The following ENSA variants were observed in gnomAD, a reference collection of about 807,000 sequenced individuals.
ENSA encodes alpha-endosulfine.
ENSA carries 7 observed loss-of-function variants against 16.8 expected under a neutral mutation model. That is an observed-to-expected ratio of 0.42 (90% CI 0.24 to 0.78). The LOEUF (loss-of-function observed/expected upper bound fraction) is 0.78, where lower values mean the gene tolerates loss of function less well. Among genes scored for constraint, ENSA ranks in the 30% least tolerant of loss-of-function variants. The pLI, the probability that ENSA is intolerant of heterozygous loss-of-function variation, is 0.29. For missense variants in ENSA, 87 were observed against 142.3 expected, an observed-to-expected ratio of 0.61 and a Z score of 1.98; for synonymous variants, 58 against 53.4, an observed-to-expected ratio of 1.09 and a Z score of -0.37.
At chr1:150,628,785 C>T (rs1649529323) in intron 1 of ENSA, among the ~76,000 whole-genome samples, 1 of 152,170 alleles carries the variant, frequency 6.6e-6, no homozygotes, top group African/African-American at 2.4e-5. Flanking sequence ...GTCTTTCTCA[C>T]GACCCTGTCG....
intron 2 of ENSA, chr1:150,626,498 A>G (rs1021667883): frequency 4.3e-6 from 7 of 1,613,700 alleles, no homozygotes; most frequent in African/African-American, 2.7e-5. Flanking sequence ...CGCACAGAGA[A>G]GCACACTCCA....
intron 1 of ENSA, chr1:150,629,094 AC>A (rs765377679): frequency 6.2e-7 from 1 of 1,613,962 alleles, no homozygotes; most frequent in Non-Finnish European, 8.5e-7. Context: ...CACACCCAAG[AC>A]CACCAGCCAT....
At chr1:150,626,701 C>T (rs1261304377) in intron 2 of ENSA, among the ~76,000 whole-genome samples, 1 of 152,158 alleles carries the variant, frequency 6.6e-6, no homozygotes, top group Non-Finnish European at 1.5e-5. Context: ...GGACTACAGG[C>T]GCCCGCCACC....
At chr1:150,624,302 G>T in intron 3 of ENSA, 1 of 985,872 alleles carries the variant, frequency 1.0e-6, no homozygotes, top group South Asian at 4.7e-5. Flanking sequence ...CTTCCTCCAA[G>T]GTGAATCATC....
chr1:150,625,624 G>A lies in ENSA; in HGVS notation c.350+18C>T, dbSNP rs1649250738. 1.9e-6 allele frequency: 3 copies of A among 1,578,542 alleles called. No individual in the cohort carries two copies. The South Asian group carries it at 3.5e-5, about 18-fold the overall frequency. Reference sequence around the variant, plus strand: ...GTCCAGTGGTTGAGGAAGGGGAGGAGAGGGGGGCTCAGGTTACCCCGCAAG... The same window carrying A: ...GTCCAGTGGTTGAGGAAGGGGAGGAAAGGGGGGCTCAGGTTACCCCGCAAG... On this transcript the variant is annotated intron_variant, in intron 3 of 3. Coordinates refer to ENST00000369014, the MANE Select transcript of ENSA (RefSeq NM_004436.4).
At position 150,628,992 on chromosome 1, in the gene ENSA, G is replaced by C. The variant is rs587594676; in HGVS notation, c.57+422C>G. 4 of 1,520,452 alleles carry C rather than the reference G, an allele frequency of 2.6e-6. No individual in the cohort carries two copies. In the African/African-American group the frequency reaches 4.2e-5, roughly 16 times the overall value. The allele number at this position is 1,520,452 out of a possible 1,614,324, so 94.2% of individuals were successfully genotyped here. A position where few individuals can be genotyped will look rare whatever the true frequency, so the allele number is the denominator to read the frequency against. ...CCCCAATACTGGTTTTTTTTTAAAC[G>C]TCTTTACCTCGACCCCTATCTTTGC... On this transcript the variant is annotated intron_variant, in intron 1 of 3. Transcript: ENST00000369014.
intron 3 of ENSA, chr1:150,624,485 C>T (rs1649167919): frequency 1.2e-5 from 12 of 985,892 alleles, no homozygotes; most frequent in Non-Finnish European, 1.4e-5. Context: ...GCTCCGCTGC[C>T]AGAGAAGCTT....
At chr1:150,622,959 C>T in intron 3 of ENSA, 100 bp from the exon 4 acceptor site, 2 of 1,410,358 alleles carry the variant, frequency 1.4e-6, no homozygotes, top group Non-Finnish European at 1.9e-6. Context: ...CATGATTCCT[C>T]CACATTTAAC....
Position 150,627,178 on chromosome 1 carries a change from A to T in ENSA, c.183+289T>A. The T allele has an allele frequency of 2.0e-6, 3 of 1,481,264 alleles. No homozygotes were observed. In the East Asian group the frequency reaches 7.1e-5, roughly 35 times the overall value. 91.8% of individuals were successfully genotyped at this position (1,481,264 alleles called of 1,614,324 possible). ...AAACCTCCAACATTCAAACAGGCAA[A>T]TGCCTGGGGGCAGTCTGCATTTCAG... On this transcript the variant is annotated intron_variant, in intron 2 of 3. Transcript: ENST00000369014.
intron 1 of ENSA, among the ~76,000 whole-genome samples, chr1:150,627,871 T>C (rs1385976927): frequency 3.3e-5 from 5 of 152,144 alleles, no homozygotes; most frequent in Non-Finnish European, 7.3e-5. Flanking sequence ...AATACTTTAA[T>C]CACAGAGTGG....
At chr1:150,627,368 C>CA in intron 2 of ENSA, 99 bp downstream of exon 2, 4 of 1,611,588 alleles carry the variant, frequency 2.5e-6, no homozygotes, top group Non-Finnish European at 2.5e-6. Flanking sequence ...TGTTCAACAA[C>CA]AAAACCTCCA....
chr1:150,624,131 A>G, intron 3 of ENSA: 1 of 985,438 alleles, frequency 1.0e-6, no homozygotes. Flanking sequence ...AGCTGGTGGT[A>G]ACTAGATTGA....
rs775332541 is a variant in ENSA, at chr1:150,627,454, C to CTATG, written c.183+9_183+12dup. ...AGCTCCAAAGAAAGAGGGTAAGAGA[C>CTATG]TATGCCCCATACCCCTTTCTGGAGT... On this transcript the variant is annotated intron_variant, in intron 2 of 3. Coordinates refer to ENST00000369014, the MANE Select transcript of ENSA (RefSeq NM_004436.4). 3.7e-6 allele frequency: 6 copies of CTATG among 1,614,252 alleles called. No homozygotes were observed. The highest frequency in any genetic ancestry group is 5.1e-6 in the Non-Finnish European group (6 of 1,180,050).
chr1:150,629,299 G>C (rs587620271), intron 1 of ENSA, 115 bp downstream of exon 1: 3 of 1,531,806 alleles, frequency 2.0e-6, no homozygotes, highest in East Asian at 2.3e-5. Flanking sequence ...GACGCAAAAA[G>C]TGGCCAACCC....
intron 1 of ENSA, among the ~76,000 whole-genome samples, chr1:150,628,441 C>A (rs1176739635): frequency 2.7e-5 from 4 of 149,384 alleles, no homozygotes; most frequent in Non-Finnish European, 4.4e-5. Flanking sequence ...CAGTTTTCAT[C>A]AAAAAAATCA....
intron 3 of ENSA, chr1:150,623,273 A>C: frequency 9.9e-7 from 1 of 1,011,078 alleles, no homozygotes; most frequent in Non-Finnish European, 1.2e-6. Flanking sequence ...ACCAGACCAC[A>C]CACATGCTGT....
At chr1:150,625,416 G>T in intron 3 of ENSA, 1 of 1,229,210 alleles carries the variant, frequency 8.1e-7, no homozygotes, top group Non-Finnish European at 1.0e-6. Flanking sequence ...CTATTTCTGG[G>T]CCCTACCTGG....
downstream of ENSA, chr1:150,621,580 T>C (rs973970685): frequency 1.2e-4 from 18 of 152,284 alleles, no homozygotes; most frequent in Non-Finnish European, 2.1e-4. Flanking sequence ...CCGCTGGAGT[T>C]TTTTCTCCTT....
At chr1:150,623,925 C>CA (rs1192288674) in intron 3 of ENSA, 1 of 985,336 alleles carries the variant, frequency 1.0e-6, no homozygotes, top group Non-Finnish European at 1.2e-6. Context: ...AGGAGAAAGG[C>CA]ATATACACAC....
Sources: gnomAD v4.1 joint callset for allele counts (sites outside exome capture counted in the v4.1 genomes callset) on GRCh38, gnomAD v4.1.1 for gene constraint, MANE v1.5 for transcripts, NCBI Gene and HGNC (gene_info 2026-07-23, HGNC 2026-07-21) for gene names.